CNTN5: variants seen among roughly 807,000 people sequenced by gnomAD.
CNTN5 encodes contactin 5.
Under a neutral mutation model 129.1 loss-of-function variants are expected in CNTN5, and 77 were observed. The ratio of observed to expected loss-of-function variants is 0.60; its 90% CI spans 0.50 to 0.72. The LOEUF is 0.72. Among genes scored for constraint, CNTN5 ranks in the 30% least tolerant of loss-of-function variants. The probability of loss-of-function intolerance (pLI) is 0.00; values close to 1 mark genes in which losing one functional copy is unlikely to be tolerated. For missense variants in CNTN5, 1,478 were observed against 1,328.8 expected, an observed-to-expected ratio of 1.11 and a Z score of -1.75; for synonymous variants, 509 against 465.6, an observed-to-expected ratio of 1.09 and a Z score of -1.20.
chr11:99,663,350 C>T (rs186893480), intron 3 of CNTN5, among the ~76,000 whole-genome samples: 1 of 152,202 alleles, frequency 6.6e-6, no homozygotes, highest in African/African-American at 2.4e-5. Context: ...TGCCTATAAT[C>T]CCAGCTACTT....
At chr11:100,159,849 AG>A (rs1358767652) in intron 13 of CNTN5, among the ~76,000 whole-genome samples, 1 of 151,944 alleles carries the variant, frequency 6.6e-6, no homozygotes, top group Non-Finnish European at 1.5e-5. Context: ...ATTGATAGGC[AG>A]TTCCCATGGG....
chr11:99,921,543 G>A (rs901843140), intron 7 of CNTN5, among the ~76,000 whole-genome samples: 18 of 151,822 alleles, frequency 1.2e-4, no homozygotes, highest in South Asian at 4.1e-4. Flanking sequence ...ATTTTTCTCC[G>A]TAGTACTCAC....
intron 4 of CNTN5, among the ~76,000 whole-genome samples, chr11:99,831,446 T>C (rs1399949914): frequency 6.6e-6 from 1 of 152,154 alleles, no homozygotes; most frequent in African/African-American, 2.4e-5. Context: ...TCAGGCATTG[T>C]GGTGGAGAAG....
intron 13 of CNTN5, among the ~76,000 whole-genome samples, chr11:100,099,041 G>C (rs577329983): frequency 5.9e-5 from 9 of 152,202 alleles, no homozygotes; most frequent in African/African-American, 2.2e-4. Flanking sequence ...AAACTGCAAA[G>C]TAACTTTGGA....
At chr11:99,380,391 A>G (rs536628809) in intron 2 of CNTN5, among the ~76,000 whole-genome samples, 1 of 152,320 alleles carries the variant, frequency 6.6e-6, no homozygotes, top group Admixed American at 6.5e-5. Context: ...TGTTGTCTAT[A>G]AAACCTTTTT....
intron 2 of CNTN5, among the ~76,000 whole-genome samples, chr11:99,445,665 G>C (rs1169947491): frequency 6.6e-6 from 1 of 152,128 alleles, no homozygotes; most frequent in Non-Finnish European, 1.5e-5. Flanking sequence ...AAGAATAAGA[G>C]ATGTTAACTA....
intron 6 of CNTN5, among the ~76,000 whole-genome samples, chr11:99,908,117 T>C (rs1292545062): frequency 6.6e-6 from 1 of 152,030 alleles, no homozygotes; most frequent in Non-Finnish European, 1.5e-5. Context: ...ATACAAGTGT[T>C]TTTGTTTTTT....
chr11:99,146,341 A>G (rs537022082), intron 1 of CNTN5, among the ~76,000 whole-genome samples: 198 of 152,284 alleles, frequency 1.3e-3, no homozygotes, highest in Non-Finnish European at 2.3e-3. Flanking sequence ...ATGGGGATAA[A>G]TTATGTATTA....
At chr11:100,191,309 G>C in intron 14 of CNTN5, 56 bp downstream of exon 14, 2 of 1,482,818 alleles carry the variant, frequency 1.3e-6, no homozygotes, top group Admixed American at 2.0e-5. Context: ...TTATCGGAAA[G>C]AGAATAAATA....
At chr11:99,705,687 G>A (rs1954725168) in intron 3 of CNTN5, among the ~76,000 whole-genome samples, 1 of 151,454 alleles carries the variant, frequency 6.6e-6, no homozygotes, top group African/African-American at 2.4e-5. Context: ...TTAGAAAGGG[G>A]AAGGACTCTT....
chr11:99,823,995 T>G (rs1946878166), intron 4 of CNTN5, among the ~76,000 whole-genome samples: 1 of 152,092 alleles, frequency 6.6e-6, no homozygotes, highest in Non-Finnish European at 1.5e-5. Flanking sequence ...GTATCTTCAG[T>G]TCTAAGTTCA....
rs574739811 is a variant in CNTN5, at chr11:100,051,103, G to GAAGT, written c.981-10108_981-10107insAGTA. On this transcript the variant is annotated intron_variant, in intron 9 of 24. Coordinates refer to ENST00000524871, the MANE Select transcript of CNTN5 (RefSeq NM_014361.4). ...TTATCAATTATAAGAAGAACAAGAA[G>GAAGT]ACAGAAAATCAGTAAAGTACAGAAG... 1.2e-4 allele frequency among the ~76,000 whole-genome samples: 19 copies of GAAGT among 152,106 alleles called. 1 individual carries two copies. In the South Asian group the frequency reaches 2.5e-3, roughly 20 times the overall value.
Position 99,855,781 on chromosome 11 carries a change from C to G in CNTN5, c.577+10519C>G, listed in dbSNP as rs890226973. On this transcript the variant is annotated intron_variant, in intron 6 of 24. Coordinates refer to ENST00000524871, the MANE Select transcript of CNTN5 (RefSeq NM_014361.4). The stretch of plus-strand genomic sequence containing the variant: ...TAGAAAAATTTAGAGTCTGCACTCT[C>G]ACATCTTGACCTATAAGCTTAAACT... 4.6e-5 allele frequency among the ~76,000 whole-genome samples: 7 copies of G among 152,160 alleles called. No homozygotes were observed. The East Asian group carries it at 1.3e-3, about 29-fold the overall frequency.
chr11:100,009,019 A>G (rs1423494807), intron 9 of CNTN5, among the ~76,000 whole-genome samples: 3 of 152,064 alleles, frequency 2.0e-5, no homozygotes, highest in Admixed American at 2.0e-4. Flanking sequence ...ATATAAGCTT[A>G]TATCTTTCCC....
chr11:99,145,618 T>G (rs1859745495), intron 1 of CNTN5, among the ~76,000 whole-genome samples: 1 of 152,140 alleles, frequency 6.6e-6, no homozygotes, highest in African/African-American at 2.4e-5. Flanking sequence ...TTTTAAATAT[T>G]TAGAGTATCT....
chr11:100,252,351 C>CAGTTGCAGAAATGAAAGGA (rs1432908630), intron 16 of CNTN5, among the ~76,000 whole-genome samples: 1 of 152,130 alleles, frequency 6.6e-6, no homozygotes, highest in Non-Finnish European at 1.5e-5. Flanking sequence ...ATATTTTCTT[C>CAGTTGCAGAAATGAAAGGA]CATTCTGCGA....
At position 99,038,997 on chromosome 11, in the gene CNTN5, T is replaced by C. The variant is rs186773710; in HGVS notation, c.-210+17727T>C. ...TTTTTCAATTCAACAAATTCACAAC[T>C]AGCTAAAATGTCATATTTCTGTATC... On this transcript the variant is annotated intron_variant, in intron 1 of 24. Transcript: ENST00000524871. Among the ~76,000 whole-genome samples, 445 of 152,146 alleles carry C rather than the reference T, an allele frequency of 2.9e-3. 4 individuals carry two copies. Among genetic ancestry groups the C allele is most frequent in the Non-Finnish European group, 4.6e-3 (312 of 67,930 alleles).
In CNTN5 at chr11:99,637,027, A is replaced by AAAAAAAAAAAAAAAAAAAAAAG. The variant is rs1951586034; in HGVS notation, c.55+80772_55+80773insAAAAAAAGAAAAAAAAAAAAAA. ...CTTTGTCTCAAAAAAAAAAAAAAAA[A>AAAAAAAAAAAAAAAAAAAAAAG]AAAAAAAAAAAAAAGTAAATGACTC... On this transcript the variant is annotated intron_variant, in intron 3 of 24. Coordinates refer to ENST00000524871, the MANE Select transcript of CNTN5 (RefSeq NM_014361.4). Among the ~76,000 whole-genome samples the AAAAAAAAAAAAAAAAAAAAAAG allele has an allele frequency of 1.4e-5, 2 of 143,420 alleles. 1 individual carries two copies. The highest frequency in any genetic ancestry group is 3.0e-5 in the Non-Finnish European group (2 of 65,690). The allele number at this position is 143,420 out of a possible 152,430, so 94.1% of individuals were successfully genotyped here.
intron 7 of CNTN5, among the ~76,000 whole-genome samples, chr11:99,944,125 C>T (rs1950505205): frequency 6.6e-6 from 1 of 151,340 alleles, no homozygotes; most frequent in African/African-American, 2.4e-5. Context: ...TGAATTACTT[C>T]AGGCAGTATG....
Sources: allele counts gnomAD v4.1 joint callset (sites outside exome capture counted in the v4.1 genomes callset), GRCh38; gene constraint gnomAD v4.1.1; transcripts MANE v1.5; gene names NCBI Gene and HGNC (gene_info 2026-07-23, HGNC 2026-07-21).